Variants in USP17L7 observed in about 807,000 individuals in gnomAD.
The protein encoded by USP17L7 is inactive ubiquitin carboxyl-terminal hydrolase 17-like protein 7.
USP17L7 carries 53 observed loss-of-function variants against 37.6 expected under a neutral mutation model. The ratio of observed to expected loss-of-function variants is 1.41; its 90% CI spans 1.13 to 1.77. The LOEUF is 1.77. USP17L7 is among the 40% of genes most tolerant of loss of function. USP17L7 has a pLI of 0.00. For missense variants in USP17L7, 914 were observed against 645.0 expected (o/e 1.42, Z -4.52); for synonymous variants, 330 against 251.0 (o/e 1.31, Z -2.98).
rs745569689 is a variant in USP17L7, at chr8:12,133,193, C to A, written c.817G>T (p.Ala273Ser). The A allele has an allele frequency of 6.0e-6, 9 of 1,507,974 alleles. No individual in the cohort carries two copies. The highest frequency in any genetic ancestry group is 1.2e-5 in the South Asian group (1 of 80,462). The allele number at this position is 1,507,974 out of a possible 1,614,324, so 93.4% of individuals were successfully genotyped here. ...TTCAATACAAGAATGAGGACCTTGG[C>A]AGAAGTGGGTAAAGTTAACGTCTTG... is the stretch of plus-strand genomic sequence containing the variant. The part of the protein sequence containing the change: ...ASKTLTLPTS[A>S]KVLILVLKRF... Residue 273 changes from alanine to serine, a missense_variant, in exon 1 of 1, where the codon GCC becomes TCC. By Grantham distance (99) the Ala-to-Ser change is moderately conservative. Coordinates refer to ENST00000530447, the MANE Select transcript of USP17L7 (RefSeq NM_001256869.2).
rs746450006 is a variant in USP17L7, at chr8:12,133,786, G to A, written c.224C>T (p.Pro75Leu). 6.7e-6 allele frequency: 10 copies of A among 1,503,658 alleles called. 1 individual carries two copies. The highest frequency in any genetic ancestry group is 8.1e-6 in the Non-Finnish European group (9 of 1,104,294). The allele number at this position is 1,503,658 out of a possible 1,614,324, so 93.1% of individuals were successfully genotyped here. A position where few individuals can be genotyped will look rare whatever the true frequency, so the allele number is the denominator to read the frequency against. ...REKLPLSSRR[P>L]AAVGAGLQKI... ...CTGGAGCCCAGCCCCCACCGCAGCA[G>A]GTCTCCTGCTACTCAGAGGAAGCTT... is the stretch of plus-strand genomic sequence containing the variant. Residue 75 changes from proline to leucine, a missense_variant, in exon 1 of 1, where the codon CCT (proline) becomes CTT (leucine). By Grantham distance (98) the Pro-to-Leu change is moderately conservative. Transcript: ENST00000530447.
rs757267356 is a variant in USP17L7 at position 12,132,758 on chromosome 8, G to A, written c.1252C>T (p.Pro418Ser). The A allele has an allele frequency of 6.6e-7, 1 of 1,526,176 alleles. No homozygotes were observed. The highest frequency in any genetic ancestry group is 8.9e-7 in the Non-Finnish European group (1 of 1,122,270). 94.5% of individuals were successfully genotyped at this position (1,526,176 alleles called of 1,614,324 possible). A position where few individuals can be genotyped will look rare whatever the true frequency, so the allele number is the denominator to read the frequency against. ...TCCACCAAGTGCTCGTCCAACTCGG[G>A]TACCTGGAGGCAAGGGTGGTCTCTC... ...LKRDHPCLQV[P>S]ELDEHLVERA... The change falls in exon 1 of 1, where the codon CCC (proline) becomes TCC (serine). Residue 418 changes from proline (P) to serine (S), a missense_variant. Coordinates refer to ENST00000530447, the MANE Select transcript of USP17L7 (RefSeq NM_001256869.2).
Position 12,133,400 on chromosome 8 carries a change from G to C in USP17L7, c.610C>G (p.Gln204Glu), listed in dbSNP as rs1803024757. Residue 204 changes from glutamine to glutamate, a missense_variant, in exon 1 of 1, where the codon CAA becomes GAA. Transcript: ENST00000530447. ...HQIFGAYWRS[Q>E]IKYLHCHGVS... is the part of the protein sequence containing the mutation. ...CCGTGGCAGTGGAGATACTTGATTTGAGATCTCCAATACGCTCCAAATATT... is the reference window on the plus strand; with the variant it reads ...CCGTGGCAGTGGAGATACTTGATTTCAGATCTCCAATACGCTCCAAATATT... 3.4e-6 allele frequency: 5 copies of C among 1,452,558 alleles called. 1 individual carries two copies. Among genetic ancestry groups the C allele is most frequent in the East Asian group, 5.2e-5 (2 of 38,188 alleles). 90.0% of individuals were successfully genotyped at this position (1,452,558 alleles called of 1,614,324 possible).
Position 12,133,921 on chromosome 8 carries a change from G to A in USP17L7, c.89C>T (p.Ala30Val), listed in dbSNP as rs553814815. 20 of 1,435,224 alleles carry A rather than the reference G, an allele frequency of 1.4e-5. 2 individuals carry two copies. Among genetic ancestry groups the A allele is most frequent in the African/African-American group, 1.1e-4 (8 of 70,306 alleles). 88.9% of individuals were successfully genotyped at this position (1,435,224 alleles called of 1,614,324 possible). Residue 30 changes from alanine (A) to valine (V), a missense_variant, in exon 1 of 1, where the codon GCT becomes GTT. By Grantham distance (64) the Ala-to-Val change is moderately conservative (BLOSUM62 0). Coordinates refer to ENST00000530447, the MANE Select transcript of USP17L7 (RefSeq NM_001256869.2). ...AGAGAGAGAAGTCCGCTGGATTTCA[G>A]CAAAAGCTGCATCTAGCCGAGAAGA... is the stretch of plus-strand genomic sequence containing the variant. The part of the protein sequence containing the change: ...LTSSRLDAAF[A>V]EIQRTSLSEK...
Position 12,132,738 on chromosome 8 carries a change from C to G in USP17L7, c.1272G>C (p.Leu424Phe), listed in dbSNP as rs745673298. The change falls in exon 1 of 1, where the codon TTG (leucine) becomes TTC (phenylalanine). Residue 424 changes from leucine (L) to phenylalanine (F), a missense_variant. Leu to Phe is a conservative substitution (Grantham distance 22). Transcript: ENST00000530447. ...TGCTTTCCTGAGTGGCTCTTTCCACCAAGTGCTCGTCCAACTCGGGTACCT... is the reference window on the plus strand; with the variant it reads ...TGCTTTCCTGAGTGGCTCTTTCCACGAAGTGCTCGTCCAACTCGGGTACCT... ...CLQVPELDEH[L>F]VERATQESTL... is the part of the protein sequence containing the mutation. The G allele has an allele frequency of 1.2e-5, 18 of 1,537,250 alleles. 1 individual carries two copies. In the South Asian group the frequency reaches 2.2e-4, roughly 19 times the overall value.
At position 12,133,069 on chromosome 8, in the gene USP17L7, G is replaced by T; in HGVS notation, c.941C>A (p.Pro314His). 6.7e-7 allele frequency: 1 copy of T among 1,501,742 alleles called. No homozygotes were observed. The allele number at this position is 1,501,742 out of a possible 1,614,324, so 93.0% of individuals were successfully genotyped here. A position where few individuals can be genotyped will look rare whatever the true frequency, so the allele number is the denominator to read the frequency against. Reference sequence around the variant, plus strand: ...CACAGCATAGAGGACATAGACAAGAGGTCCTGTGTTCTGCTGAGACATGTA... The same window carrying T: ...CACAGCATAGAGGACATAGACAAGATGTCCTGTGTTCTGCTGAGACATGTA... ...QPYMSQQNTG[P>H]LVYVLYAVLV... Residue 314 changes from proline (P) to histidine (H), a missense_variant, in exon 1 of 1, where the codon CCT (proline) becomes CAT (histidine). Coordinates refer to ENST00000530447, the MANE Select transcript of USP17L7 (RefSeq NM_001256869.2).
Position 12,133,415 on chromosome 8 carries a change from C to G in USP17L7, c.595G>C (p.Ala199Pro). ...TACTTGATTTGAGATCTCCAATACG[C>G]TCCAAATATTTGGTGGATGAGGGTG... Reference protein sequence around the residue: ...DTTLIHQIFGAYWRSQIKYLH... With the variant: ...DTTLIHQIFGPYWRSQIKYLH... The change falls in exon 1 of 1, where the codon GCG (alanine) becomes CCG (proline). Residue 199 changes from alanine to proline, a missense_variant. Physicochemically the swap from Ala to Pro is conservative, Grantham distance 27. Transcript: ENST00000530447. 6.9e-7 allele frequency: 1 copy of G among 1,454,392 alleles called. No individual in the cohort carries two copies. Among genetic ancestry groups the G allele is most frequent in the Non-Finnish European group, 9.4e-7 (1 of 1,066,222 alleles). The allele number at this position is 1,454,392 out of a possible 1,614,324, so 90.1% of individuals were successfully genotyped here.
Position 12,133,635 on chromosome 8 carries a change from G to C in USP17L7, c.375C>G (p.Phe125Leu). The C allele has an allele frequency of 8.2e-7, 1 of 1,226,376 alleles. No homozygotes were observed. Among genetic ancestry groups the C allele is most frequent in the Non-Finnish European group, 1.2e-6 (1 of 852,184 alleles). 76.0% of individuals were successfully genotyped at this position (1,226,376 alleles called of 1,614,324 possible). A position where few individuals can be genotyped will look rare whatever the true frequency, so the allele number is the denominator to read the frequency against. Reference sequence around the variant, plus strand: ...ATGTGATGTGAGCTTGCATAGTACAGAACATGCAGCACTTGTGAAGATGAC... The same window carrying C: ...ATGTGATGTGAGCTTGCATAGTACACAACATGCAGCACTTGTGAAGATGAC... ...QTCHLHKCCM[F>L]CTMQAHITWA... The change falls in exon 1 of 1, where the codon TTC (phenylalanine) becomes TTG (leucine). Residue 125 changes from phenylalanine (F) to leucine (L), a missense_variant. Transcript: ENST00000530447.
In USP17L7 at chr8:12,133,600, T is replaced by G. The variant is rs1165590457; in HGVS notation, c.410A>C (p.His137Pro). Residue 137 changes from histidine to proline, a missense_variant, in exon 1 of 1, where the codon CAC (histidine) becomes CCC (proline). By Grantham distance (77) the His-to-Pro change is moderately conservative. Transcript: ENST00000530447. ...GGGCTGGATGACATGGCCAGGACTG[T>G]GGAGGGCCCATGTGATGTGAGCTTG... Reference protein sequence around the residue: ...TMQAHITWALHSPGHVIQPSQ... With the variant: ...TMQAHITWALPSPGHVIQPSQ... 2 of 1,291,950 alleles carry G rather than the reference T, an allele frequency of 1.5e-6. No homozygotes were observed. Among genetic ancestry groups the G allele is most frequent in the Admixed American group, 3.5e-5 (2 of 56,754 alleles). The allele number at this position is 1,291,950 out of a possible 1,614,324, so 80.0% of individuals were successfully genotyped here. A position where few individuals can be genotyped will look rare whatever the true frequency, so the allele number is the denominator to read the frequency against.
rs1802976981 is a variant in USP17L7, at chr8:12,132,794, C to T, written c.1216G>A (p.Gly406Arg). The part of the protein sequence containing the change: ...AEDTDRPATQ[G>R]ELKRDHPCLQ... ...CAAGGGTGGTCTCTCTTGAGCTCTC[C>T]TTGCGTTGCTGGCCTGTCTGTGTCT... The change falls in exon 1 of 1, where the codon GGA (glycine) becomes AGA (arginine). Residue 406 changes from glycine to arginine, a missense_variant. Coordinates refer to ENST00000530447, the MANE Select transcript of USP17L7 (RefSeq NM_001256869.2). 1 of 1,518,906 alleles carries T rather than the reference C, an allele frequency of 6.6e-7. No homozygotes were observed. The highest frequency in any genetic ancestry group is 9.0e-7 in the Non-Finnish European group (1 of 1,115,912). 94.1% of individuals were successfully genotyped at this position (1,518,906 alleles called of 1,614,324 possible).
At position 12,132,832 on chromosome 8, in the gene USP17L7, G is replaced by A. The variant is rs774574096; in HGVS notation, c.1178C>T (p.Ala393Val). The change falls in exon 1 of 1, where the codon GCC (alanine) becomes GTC (valine). Residue 393 changes from alanine to valine, a missense_variant. Coordinates refer to ENST00000530447, the MANE Select transcript of USP17L7 (RefSeq NM_001256869.2). ...ESVSRGREPRALGAEDTDRPA... is the reference protein window; with the variant it reads ...ESVSRGREPRVLGAEDTDRPA... ...CCTGTCTGTGTCTTCAGCACCAAGG[G>A]CTCTTGGTTCCCTGCCTCTTGACAC... 133 of 1,518,144 alleles carry A rather than the reference G, an allele frequency of 8.8e-5. 17 individuals are homozygous for A. Among genetic ancestry groups the A allele is most frequent in the Non-Finnish European group, 7.4e-5 (83 of 1,115,318 alleles). The allele number at this position is 1,518,144 out of a possible 1,614,324, so 94.0% of individuals were successfully genotyped here. A position where few individuals can be genotyped will look rare whatever the true frequency, so the allele number is the denominator to read the frequency against.
rs748350543 is a variant in USP17L7, at chr8:12,133,344, G to A, written c.666C>T (p.Asp222=). The stretch of plus-strand genomic sequence containing the variant: ...GAGCTGCCTGGATATCCAGGGCGAT[G>A]TCCAGGTAAGGGTCAAAGGTGTCTG... The part of the protein sequence containing the change: ...GVSDTFDPYL[D]IALDIQAAQS... Residue 222 remains aspartate (D), a synonymous_variant, in exon 1 of 1, where the codon GAC becomes GAT. Coordinates refer to ENST00000530447, the MANE Select transcript of USP17L7 (RefSeq NM_001256869.2). 8.7e-6 allele frequency: 13 copies of A among 1,492,116 alleles called. No individual in the cohort carries two copies. Among genetic ancestry groups the A allele is most frequent in the Non-Finnish European group, 1.1e-5 (12 of 1,099,904 alleles). 92.4% of individuals were successfully genotyped at this position (1,492,116 alleles called of 1,614,324 possible).
At position 12,133,938 on chromosome 8, in the gene USP17L7, C is replaced by G. The variant is rs767097322; in HGVS notation, c.72G>C (p.Arg24=). The change falls in exon 1 of 1, where the codon CGG becomes CGC. Residue 24 remains arginine (R), a synonymous_variant. Transcript: ENST00000530447. ...FNHFSKLTSS[R]LDAAFAEIQR... The stretch of plus-strand genomic sequence containing the variant: ...GGATTTCAGCAAAAGCTGCATCTAG[C>G]CGAGAAGATGTGAGTTTTGAAAAGT... 2 of 1,388,782 alleles carry G rather than the reference C, an allele frequency of 1.4e-6. No homozygotes were observed. Among genetic ancestry groups the G allele is most frequent in the Admixed American group, 1.8e-5 (1 of 57,058 alleles). 86.0% of individuals were successfully genotyped at this position (1,388,782 alleles called of 1,614,324 possible). A position where few individuals can be genotyped will look rare whatever the true frequency, so the allele number is the denominator to read the frequency against.
Position 12,133,203 on chromosome 8 carries a change from T to C in USP17L7, c.807A>G (p.Leu269=), listed in dbSNP as rs1803008152. 6 of 1,505,346 alleles carry C rather than the reference T, an allele frequency of 4.0e-6. No individual in the cohort carries two copies. In the Admixed American group the frequency reaches 1.0e-4, roughly 26 times the overall value. 93.2% of individuals were successfully genotyped at this position (1,505,346 alleles called of 1,614,324 possible). The change falls in exon 1 of 1, where the codon TTA becomes TTG. Residue 269 remains leucine, a synonymous_variant. Transcript: ENST00000530447. ...GAATGAGGACCTTGGCAGAAGTGGG[T>C]AAAGTTAACGTCTTGGAGGCAGGCG... ...QKAPASKTLT[L]PTSAKVLILV...
chr8:12,132,445 C>A lies in USP17L7; in HGVS notation c.1565G>T (p.Ser522Ile), dbSNP rs767709286. The A allele has an allele frequency of 7.0e-7, 1 of 1,433,642 alleles. No individual in the cohort carries two copies. The highest frequency in any genetic ancestry group is 1.3e-5 in the South Asian group (1 of 78,186). The allele number at this position is 1,433,642 out of a possible 1,614,324, so 88.8% of individuals were successfully genotyped here. ...TRRSKGNNKHSKRSLLVCQ is the reference protein window; with the variant it reads ...TRRSKGNNKHIKRSLLVCQ ...CTGGCACACAAGCAGAGATCTCTTGCTGTGTTTGTTATTCCCTTTGGATCT... is the reference window on the plus strand; with the variant it reads ...CTGGCACACAAGCAGAGATCTCTTGATGTGTTTGTTATTCCCTTTGGATCT... Residue 522 changes from serine (S) to isoleucine (I), a missense_variant, in exon 1 of 1, where the codon AGC becomes ATC. Physicochemically the swap from Ser to Ile is moderately radical, Grantham distance 142. Transcript: ENST00000530447.
At position 12,134,000 on chromosome 8, in the gene USP17L7, C is replaced by T. The variant is rs1210849585; in HGVS notation, c.10G>A (p.Asp4Asn). The change falls in exon 1 of 1, where the codon GAC (aspartate) becomes AAC (asparagine). Residue 4 changes from aspartate (D) to asparagine (N), a missense_variant. By Grantham distance (23) the Asp-to-Asn change is conservative (BLOSUM62 1). Coordinates refer to ENST00000530447, the MANE Select transcript of USP17L7 (RefSeq NM_001256869.2). ...CAGTCACCTCCCAAATAGAGTGAGTCGTCTTCCATGTCGCCCGCAACAAGG... is the reference window on the plus strand; with the variant it reads ...CAGTCACCTCCCAAATAGAGTGAGTTGTCTTCCATGTCGCCCGCAACAAGG... Reference protein sequence around the residue: MEDDSLYLGGDWQF... With the variant: MEDNSLYLGGDWQF... 33 of 1,053,854 alleles carry T rather than the reference C, an allele frequency of 3.1e-5. 1 individual carries two copies. The highest frequency in any genetic ancestry group is 4.6e-5 in the Non-Finnish European group (32 of 697,382). 65.3% of individuals were successfully genotyped at this position (1,053,854 alleles called of 1,614,324 possible).
rs753015733 is a variant in USP17L7 at position 12,133,903 on chromosome 8, GAA to G, written c.105_106del (p.Ser38Ter). On this transcript the variant is annotated frameshift_variant, in exon 1 of 1. Coordinates refer to ENST00000530447, the MANE Select transcript of USP17L7 (RefSeq NM_001256869.2). LOFTEE classifies it high-confidence loss of function. ...TGAGAGTGGTGACTTTTCAGAGAGA[GAA>G]GTCCGCTGGATTTCAGCAAAAGCTG... 1.4e-5 allele frequency: 20 copies of G among 1,474,822 alleles called. 2 individuals carry two copies. Among genetic ancestry groups the G allele is most frequent in the Non-Finnish European group, 1.9e-5 (20 of 1,078,774 alleles). The allele number at this position is 1,474,822 out of a possible 1,614,324, so 91.4% of individuals were successfully genotyped here. A position where few individuals can be genotyped will look rare whatever the true frequency, so the allele number is the denominator to read the frequency against.
chr8:12,134,017 G>C lies in USP17L7; in HGVS notation c.-8C>G, dbSNP rs374740639. The C allele has an allele frequency of 1.6e-5, 16 of 978,674 alleles. No homozygotes were observed. In the African/African-American group the frequency reaches 2.4e-4, roughly 15 times the overall value. The allele number at this position is 978,674 out of a possible 1,614,324, so 60.6% of individuals were successfully genotyped here. On this transcript the variant is annotated 5_prime_UTR_variant, in exon 1 of 1. Transcript: ENST00000530447. ...GAGTGAGTCGTCTTCCATGTCGCCC[G>C]CAACAAGGATCACAAGGTTTTTCTG...
rs769194061 is a variant in USP17L7, at chr8:12,133,859, G to A, written c.151C>T (p.Leu51Phe). 14 of 1,523,082 alleles carry A rather than the reference G, an allele frequency of 9.2e-6. 1 individual carries two copies. Among genetic ancestry groups the A allele is most frequent in the South Asian group, 2.5e-5 (2 of 80,958 alleles). The allele number at this position is 1,523,082 out of a possible 1,614,324, so 94.3% of individuals were successfully genotyped here. A position where few individuals can be genotyped will look rare whatever the true frequency, so the allele number is the denominator to read the frequency against. ...GCCACAGGAGCCAAATCATCACAGA[G>A]GTCGAAACGGGTCTCAGATGAGAGT... ...SPLSSETRFDLCDDLAPVARQ... is the reference protein window; with the variant it reads ...SPLSSETRFDFCDDLAPVARQ... Residue 51 changes from leucine to phenylalanine, a missense_variant, in exon 1 of 1, where the codon CTC becomes TTC. Coordinates refer to ENST00000530447, the MANE Select transcript of USP17L7 (RefSeq NM_001256869.2).
Sources: gnomAD v4.1 joint callset for allele counts on GRCh38, gnomAD v4.1.1 for gene constraint, MANE v1.5 for transcripts, NCBI Gene and HGNC (gene_info 2026-07-23, HGNC 2026-07-21) for gene names.